The following TMEM9 variants were observed in gnomAD, a reference collection of about 807,000 sequenced individuals.
TMEM9 encodes the protein transmembrane protein 9, also known as proton-transporting V-type ATPase complex assembly regulator TMEM9.
In TMEM9, 13 loss-of-function variants were observed where a neutral mutation model predicts 22.8. The observed-to-expected ratio is 0.57, with a 90% CI of 0.37 to 0.91. The LOEUF (loss-of-function observed/expected upper bound fraction) is 0.91. Among genes scored for constraint, TMEM9 ranks in the 40% least tolerant of loss-of-function variants. The probability of loss-of-function intolerance (pLI) is 0.01; values close to 1 mark genes in which losing one functional copy is unlikely to be tolerated. For synonymous variants in TMEM9, 88 were observed against 93.0 expected (o/e 0.95, Z 0.31); for missense variants, 182 against 238.1 (o/e 0.76, Z 1.55).
intron 1 of TMEM9, among the ~76,000 whole-genome samples, chr1:201,166,926 A>G (rs1452463645): frequency 6.6e-6 from 1 of 152,186 alleles, no homozygotes; most frequent in East Asian, 1.9e-4. Flanking sequence ...TTCCTCCTGA[A>G]TTTGTTTCCC....
chr1:201,151,538 C>T (rs528661833), intron 2 of TMEM9, among the ~76,000 whole-genome samples: 1 of 152,340 alleles, frequency 6.6e-6, no homozygotes, highest in Non-Finnish European at 1.5e-5. Context: ...AAAATCCACT[C>T]CTCTAGCCAG....
At chr1:201,162,482 G>A (rs114013022) in intron 1 of TMEM9, among the ~76,000 whole-genome samples, 1,563 of 150,664 alleles carry the variant, frequency 0.01, 18 homozygotes, top group African/African-American at 0.036. Flanking sequence ...CAATGAAGCG[G>A]AGGAAAGATA....
Position 201,165,121 on chromosome 1 carries a change from A to G in TMEM9, c.-37+6369T>C, listed in dbSNP as rs547874715. 4.2e-5 allele frequency among the ~76,000 whole-genome samples: 6 copies of G among 143,782 alleles called. No homozygotes were observed. In the East Asian group the frequency reaches 1.2e-3, roughly 29 times the overall value. 94.3% of individuals were successfully genotyped at this position (143,782 alleles called of 152,430 possible). A position where few individuals can be genotyped will look rare whatever the true frequency, so the allele number is the denominator to read the frequency against. On this transcript the variant is annotated intron_variant, in intron 1 of 5. Transcript: ENST00000367333. ...TAAAATTTTTCTTTAATGAGGACACATCACATTTTATCACTTTTTAAGAGA... is the reference window on the plus strand; with the variant it reads ...TAAAATTTTTCTTTAATGAGGACACGTCACATTTTATCACTTTTTAAGAGA...
chr1:201,142,101 C>A (rs911652436), intron 4 of TMEM9, among the ~76,000 whole-genome samples: 1 of 152,208 alleles, frequency 6.6e-6, no homozygotes, highest in Non-Finnish European at 1.5e-5. Flanking sequence ...ACACAGACCA[C>A]CCAACTGCCA....
intron 1 of TMEM9, among the ~76,000 whole-genome samples, chr1:201,164,652 A>G (rs1469406625): frequency 6.6e-6 from 1 of 152,210 alleles, no homozygotes; most frequent in Non-Finnish European, 1.5e-5. Flanking sequence ...AATGGGATCC[A>G]ATAGAGAAAT....
intron 4 of TMEM9, among the ~76,000 whole-genome samples, chr1:201,143,403 T>C (rs374920165): frequency 5.3e-5 from 8 of 152,230 alleles, no homozygotes; most frequent in Non-Finnish European, 7.3e-5. Flanking sequence ...CTGGTTTGCA[T>C]TGAGCAAGTG....
intron 4 of TMEM9, among the ~76,000 whole-genome samples, chr1:201,140,563 T>C (rs1664434941): frequency 6.6e-6 from 1 of 152,146 alleles, no homozygotes; most frequent in South Asian, 2.1e-4. Flanking sequence ...GGCCTCCTCT[T>C]CCTCTTCCAG....
chr1:201,153,669 T>G, intron 1 of TMEM9, 189 bp downstream of exon 1: 1 of 1,376,436 alleles, frequency 7.3e-7, no homozygotes, highest in South Asian at 1.3e-5. Flanking sequence ...CCTTCCTCAC[T>G]CCTCACCCGC....
chr1:201,139,788 T>A (rs1320135332), intron 4 of TMEM9, among the ~76,000 whole-genome samples: 1 of 152,212 alleles, frequency 6.6e-6, no homozygotes, highest in Non-Finnish European at 1.5e-5. Context: ...TCGCAACAGT[T>A]ATGCTGAGGT....
At chr1:201,155,607 A>AGGGGGC (rs1019843320), upstream of TMEM9, among the ~76,000 whole-genome samples, 1 of 152,166 alleles carries the variant, frequency 6.6e-6, no homozygotes, top group African/African-American at 2.4e-5. Flanking sequence ...TCTAGTTGGC[A>AGGGGGC]GGGGGCAGGG....
At chr1:201,141,354 A>C (rs975986173) in intron 4 of TMEM9, among the ~76,000 whole-genome samples, 3 of 152,180 alleles carry the variant, frequency 2.0e-5, no homozygotes, top group Admixed American at 2.0e-4. Flanking sequence ...TACACTGAGA[A>C]AAGCAGAGTT....
intron 4 of TMEM9, among the ~76,000 whole-genome samples, chr1:201,139,325 T>TAAAG (rs1664297146): frequency 6.6e-6 from 1 of 152,220 alleles, no homozygotes; most frequent in Non-Finnish European, 1.5e-5. Flanking sequence ...TGCAAAGCCC[T>TAAAG]TCAGCAAGAG....
At chr1:201,162,055 C>T (rs770530910) in intron 1 of TMEM9, among the ~76,000 whole-genome samples, 1 of 152,174 alleles carries the variant, frequency 6.6e-6, no homozygotes, top group African/African-American at 2.4e-5. Flanking sequence ...TGAGCATCTA[C>T]TACATGCCAG....
At chr1:201,149,084 G>A (rs1665221028) in intron 2 of TMEM9, among the ~76,000 whole-genome samples, 1 of 152,224 alleles carries the variant, frequency 6.6e-6, no homozygotes, top group East Asian at 1.9e-4. Context: ...AGGCCAAGGT[G>A]TCAGGGGCAG....
intron 1 of TMEM9, among the ~76,000 whole-genome samples, chr1:201,161,130 G>A (rs1339890302): frequency 2.0e-5 from 3 of 152,082 alleles, no homozygotes; most frequent in East Asian, 1.9e-4. Flanking sequence ...AATTTAGCAC[G>A]AAGAGTGGCA....
chr1:201,154,192 G>A lies in TMEM9; in HGVS notation c.-269C>T, dbSNP rs1031371506. ...GGTCCTCGAGGGGACACCGCTGCCAGGGGCCTCCAGTTCCTTCTCAAGGCC... is the reference window on the plus strand; with the variant it reads ...GGTCCTCGAGGGGACACCGCTGCCAAGGGCCTCCAGTTCCTTCTCAAGGCC... On this transcript the variant is annotated 5_prime_UTR_variant, in exon 1 of 5. Transcript: ENST00000367330. 9.4e-6 allele frequency: 4 copies of A among 425,780 alleles called. No individual in the cohort carries two copies. Among genetic ancestry groups the A allele is most frequent in the Admixed American group, 4.2e-5 (1 of 24,096 alleles). 26.4% of individuals were successfully genotyped at this position (425,780 alleles called of 1,614,324 possible). A position where few individuals can be genotyped will look rare whatever the true frequency, so the allele number is the denominator to read the frequency against.
chr1:201,170,891 C>T (rs1312536885), intron 1 of TMEM9, among the ~76,000 whole-genome samples: 5 of 152,242 alleles, frequency 3.3e-5, no homozygotes, highest in Admixed American at 3.3e-4. Flanking sequence ...AGGCTCCACT[C>T]CGGGTCCAGG....
At chr1:201,155,619 C>G (rs1665767580), upstream of TMEM9, among the ~76,000 whole-genome samples, 1 of 152,110 alleles carries the variant, frequency 6.6e-6, no homozygotes, top group Admixed American at 6.5e-5. Context: ...GGGGCAGGGG[C>G]AGGAGGCCTG....
chr1:201,146,735 G>A lies in TMEM9; in HGVS notation c.267+5C>T, dbSNP rs76384922. On this transcript the variant is annotated splice_donor_5th_base_variant and intron_variant, in intron 3 of 4. Coordinates refer to ENST00000367330, the MANE Select transcript of TMEM9 (RefSeq NM_001288565.2). ...CCCACTGGCTTCCTGAGACCCTGGCGTTACCTTGATGGTGGTGGTGCTGCG... is the reference window on the plus strand; with the variant it reads ...CCCACTGGCTTCCTGAGACCCTGGCATTACCTTGATGGTGGTGGTGCTGCG... 1.7e-3 allele frequency: 2,738 copies of A among 1,613,998 alleles called. 74 individuals carry two copies. The East Asian group carries it at 0.054, about 32-fold the overall frequency.
Sources: allele counts gnomAD v4.1 joint callset (sites outside exome capture counted in the v4.1 genomes callset), GRCh38; gene constraint gnomAD v4.1.1; transcripts MANE v1.5; gene names NCBI Gene and HGNC (gene_info 2026-07-23, HGNC 2026-07-21).